Variants in GFI1B observed in about 807,000 individuals in gnomAD.
The protein encoded by GFI1B is zinc finger protein Gfi-1b.
GFI1B carries 20 observed loss-of-function variants against 35.3 expected under a neutral mutation model. That is an observed-to-expected ratio of 0.57 (90% CI 0.40 to 0.82). The LOEUF (loss-of-function observed/expected upper bound fraction) is 0.82, where lower values mean the gene tolerates loss of function less well. Among genes scored for constraint, GFI1B ranks in the 40% least tolerant of loss-of-function variants. GFI1B has a pLI of 0.00. For synonymous variants in GFI1B, 178 were observed against 177.6 expected, an observed-to-expected ratio of 1.00 and a Z score of -0.02; for missense variants, 430 against 446.3, an observed-to-expected ratio of 0.96 and a Z score of 0.33.
In GFI1B at chr9:132,986,203, G is replaced by A. The variant is rs537270394; in HGVS notation, c.-20-456G>A. On this transcript the variant is annotated intron_variant, in intron 1 of 6. Coordinates refer to ENST00000372122, the MANE Select transcript of GFI1B (RefSeq NM_001377304.1). ...AGTGGGTTCTTTCTGCAGACGCCAG[G>A]GGAGAGGGTTTCATGCCCCTCTCTG... 2.0e-5 allele frequency among the ~76,000 whole-genome samples: 3 copies of A among 152,270 alleles called. No individual in the cohort carries two copies. In the South Asian group the frequency reaches 6.2e-4, roughly 32 times the overall value.
At chr9:132,977,480 C>T (rs554466556), upstream of GFI1B, among the ~76,000 whole-genome samples, 10 of 152,252 alleles carry the variant, frequency 6.6e-5, no homozygotes, top group South Asian at 2.1e-3. Flanking sequence ...CTTGGACTTG[C>T]AGTTTAAATT....
chr9:132,965,203 C>T (rs1267758841), intron 1 of GFI1B, among the ~76,000 whole-genome samples: 1 of 152,142 alleles, frequency 6.6e-6, no homozygotes, highest in Non-Finnish European at 1.5e-5. Flanking sequence ...TGCCCAGTAA[C>T]AAGAACTCCT....
At chr9:132,990,611 G>C (rs941180871) in intron 6 of GFI1B, among the ~76,000 whole-genome samples, 1 of 152,228 alleles carries the variant, frequency 6.6e-6, no homozygotes, top group African/African-American at 2.4e-5. Context: ...GGTATACCAG[G>C]CTTGGAGATG....
intron 1 of GFI1B, among the ~76,000 whole-genome samples, chr9:132,970,870 CA>C (rs1454828156): frequency 6.6e-6 from 1 of 152,028 alleles, no homozygotes; most frequent in Non-Finnish European, 1.5e-5. Flanking sequence ...GGGCGGTAAC[CA>C]AATGTCAGGT....
chr9:132,979,663 G>C (rs987792509), intron 1 of GFI1B, among the ~76,000 whole-genome samples: 33 of 152,172 alleles, frequency 2.2e-4, no homozygotes, highest in African/African-American at 8.0e-4. Context: ...ACCATGGAGA[G>C]GTACTGTTTC....
chr9:132,993,031 C>T (rs192271378), downstream of GFI1B, among the ~76,000 whole-genome samples: 2 of 152,116 alleles, frequency 1.3e-5, no homozygotes, highest in East Asian at 1.9e-4. Flanking sequence ...CAGGCGCTCA[C>T]GCCTGTAATC....
In GFI1B at chr9:132,987,365, C is replaced by T. The variant is rs1296372718; in HGVS notation, c.184C>T (p.Arg62Ter). The change falls in exon 3 of 7, where the codon CGA becomes TGA. Residue 62 changes from arginine (R) to a stop codon, truncating the protein, a stop_gained. Coordinates refer to ENST00000372122, the MANE Select transcript of GFI1B (RefSeq NM_001377304.1). LOFTEE classifies it high-confidence loss of function. ...NQCLDWTNLKREPELEQDQNL... is the reference protein window; with the variant it reads ...NQCLDWTNLK ...GTGCCTGGACTGGACCAACCTCAAA[C>T]GAGAGCCGGAGCTGGAGCAGGACCA... 9.3e-6 allele frequency: 15 copies of T among 1,614,256 alleles called. No individual in the cohort carries two copies. Among genetic ancestry groups the T allele is most frequent in the East Asian group, 2.2e-5 (1 of 44,880 alleles).
chr9:132,988,660 A>G (rs1177661632), intron 4 of GFI1B, among the ~76,000 whole-genome samples, 192 bp downstream of exon 4: 1 of 152,192 alleles, frequency 6.6e-6, no homozygotes. Context: ...AGCAATTGAC[A>G]GGCATGAGTG....
intron 1 of GFI1B, among the ~76,000 whole-genome samples, chr9:132,986,064 G>T (rs1849045388): frequency 6.6e-6 from 1 of 152,210 alleles, no homozygotes; most frequent in African/African-American, 2.4e-5. Flanking sequence ...AGTGAGGGAA[G>T]TTAGGATTTG....
chr9:132,987,797 G>T (rs1001808675), intron 3 of GFI1B, among the ~76,000 whole-genome samples: 2 of 152,160 alleles, frequency 1.3e-5, no homozygotes, highest in Non-Finnish European at 2.9e-5. Context: ...GATGAAGGTA[G>T]TGGTGTGTGG....
At chr9:132,964,649 T>C (rs567109558) in intron 1 of GFI1B, among the ~76,000 whole-genome samples, 4 of 152,000 alleles carry the variant, frequency 2.6e-5, no homozygotes, top group African/African-American at 9.6e-5. Context: ...TGTGAGGACA[T>C]CTGCCCAGCA....
chr9:132,979,689 G>A (rs1437512754), intron 1 of GFI1B, among the ~76,000 whole-genome samples: 1 of 152,206 alleles, frequency 6.6e-6, no homozygotes, highest in Admixed American at 6.5e-5. Flanking sequence ...GCCTTTCCCT[G>A]TGGCTGTTGT....
intron 1 of GFI1B, among the ~76,000 whole-genome samples, chr9:132,965,698 G>A (rs981106319): frequency 5.3e-5 from 8 of 152,202 alleles, no homozygotes; most frequent in African/African-American, 1.2e-4. Context: ...AAGATTGCCC[G>A]CAGCCAGCAG....
intron 2 of GFI1B, 130 bp from the exon 3 acceptor site, chr9:132,987,152 G>A: frequency 9.7e-7 from 1 of 1,036,180 alleles, no homozygotes; most frequent in Non-Finnish European, 1.5e-6. Flanking sequence ...GGGAGTGTGA[G>A]CCGCCAGAAG....
At chr9:132,969,659 T>G (rs780279641) in intron 1 of GFI1B, among the ~76,000 whole-genome samples, 1 of 152,220 alleles carries the variant, frequency 6.6e-6, no homozygotes, top group Non-Finnish European at 1.5e-5. Context: ...TGCGTGGGAT[T>G]GCTGGAACTG....
At chr9:132,970,227 C>A (rs1436120347) in intron 1 of GFI1B, among the ~76,000 whole-genome samples, 1 of 152,136 alleles carries the variant, frequency 6.6e-6, no homozygotes, top group Admixed American at 6.5e-5. Context: ...GAGACTGGAG[C>A]CAAGCCCTGG....
upstream of GFI1B, among the ~76,000 whole-genome samples, chr9:132,975,659 T>A (rs1015861039): frequency 2.0e-5 from 3 of 152,234 alleles, no homozygotes; most frequent in Non-Finnish European, 2.9e-5. Context: ...GGTGCCTTGT[T>A]GTGGGCACTC....
chr9:132,966,763 G>A (rs1321376543), intron 1 of GFI1B, among the ~76,000 whole-genome samples: 3 of 152,206 alleles, frequency 2.0e-5, no homozygotes, highest in Admixed American at 6.5e-5. Flanking sequence ...CATCACTAAG[G>A]TGGGACAACC....
At chr9:132,972,447 G>T (rs967376956) in intron 1 of GFI1B, among the ~76,000 whole-genome samples, 15 of 152,038 alleles carry the variant, frequency 9.9e-5, no homozygotes, top group Non-Finnish European at 1.9e-4. Flanking sequence ...AAAATTAGCT[G>T]GGTGTGGTGG....
Sources: allele counts gnomAD v4.1 joint callset (sites outside exome capture counted in the v4.1 genomes callset), GRCh38; gene constraint gnomAD v4.1.1; transcripts MANE v1.5; gene names NCBI Gene and HGNC (gene_info 2026-07-23, HGNC 2026-07-21).